PBRM1: variants seen among roughly 807,000 people sequenced by gnomAD.
PBRM1 encodes the protein polybromo 1.
A neutral mutation model predicts 194.5 loss-of-function variants in PBRM1; 27 were observed. The ratio of observed to expected loss-of-function variants is 0.14; its 90% confidence interval spans 0.10 to 0.19. The LOEUF (loss-of-function observed/expected upper bound fraction) is 0.19. PBRM1 is among the 10% of genes least tolerant of loss of function. The pLI is 1.00. For synonymous variants in PBRM1, 655 were observed against 693.2 expected (o/e 0.94, Z 0.87); for missense variants, 1,466 against 2,077.2 (o/e 0.71, Z 5.72).
chr3:52,658,801 A>C (rs2096659798), intron 4 of PBRM1, among the ~76,000 whole-genome samples: 1 of 152,202 alleles, frequency 6.6e-6, no homozygotes, highest in Admixed American at 6.5e-5. Flanking sequence ...ACCTATATGA[A>C]CCTAATGAGG....
At chr3:52,684,796 G>C (rs1219183151) in intron 1 of PBRM1, 2 of 152,170 alleles carry the variant, frequency 1.3e-5, no homozygotes, top group African/African-American at 4.8e-5. Context: ...GCCAAAGAAA[G>C]CGGTCAAGGC....
chr3:52,584,864 GTGTAAATTTAAAAAGGAATT>G (rs2092118846), intron 20 of PBRM1, among the ~76,000 whole-genome samples: 1 of 152,086 alleles, frequency 6.6e-6, no homozygotes, highest in Admixed American at 6.6e-5. Context: ...TTTGTCCAGT[GTGTAAATTTAAAAAGGAATT>G]TGTTTTATAG....
chr3:52,676,040 G>A (rs1229990350), intron 2 of PBRM1, among the ~76,000 whole-genome samples: 6 of 68,836 alleles, frequency 8.7e-5, no homozygotes, highest in Admixed American at 1.9e-4. Flanking sequence ...GCGTGAACCC[G>A]GGAGGCGGAG....
intron 15 of PBRM1, among the ~76,000 whole-genome samples, chr3:52,611,160 C>A (rs536490943): frequency 6.6e-6 from 1 of 151,980 alleles, no homozygotes; most frequent in African/African-American, 2.4e-5. Flanking sequence ...AAAAATCAAG[C>A]CTTTATCCTT....
At chr3:52,640,486 G>A (rs1309796092) in intron 10 of PBRM1, among the ~76,000 whole-genome samples, 1 of 152,046 alleles carries the variant, frequency 6.6e-6, no homozygotes, top group Non-Finnish European at 1.5e-5. Flanking sequence ...GCCCAGGCTG[G>A]TCTTGAACTT....
upstream of PBRM1, among the ~76,000 whole-genome samples, chr3:52,682,520 C>G (rs2097221739): frequency 1.3e-5 from 2 of 152,084 alleles, no homozygotes; most frequent in Non-Finnish European, 2.9e-5. Context: ...ATCCTTGAAT[C>G]ATTAATTTAC....
intron 22 of PBRM1, among the ~76,000 whole-genome samples, chr3:52,565,131 G>A (rs1416864777): frequency 6.6e-6 from 1 of 151,306 alleles, no homozygotes; most frequent in African/African-American, 2.4e-5. Flanking sequence ...CCTGGAAGGC[G>A]GAGGTTGCAG....
At chr3:52,569,171 A>C (rs574747417) in intron 22 of PBRM1, among the ~76,000 whole-genome samples, 2 of 151,608 alleles carry the variant, frequency 1.3e-5, no homozygotes, top group Admixed American at 1.3e-4. Context: ...TGATAACAGG[A>C]GTGAGCCACT....
At chr3:52,575,503 A>G (rs1411213064) in intron 22 of PBRM1, among the ~76,000 whole-genome samples, 1 of 143,316 alleles carries the variant, frequency 7.0e-6, no homozygotes, top group Non-Finnish European at 1.5e-5. Flanking sequence ...CTTTAAATCA[A>G]TTGTCTTTTT....
chr3:52,661,065 G>A (rs13070813), intron 4 of PBRM1, among the ~76,000 whole-genome samples: 2,254 of 151,236 alleles, frequency 0.015, 28 homozygotes, highest in Non-Finnish European at 0.022. Flanking sequence ...TCATTCTGTC[G>A]CCCAGTCTGG....
upstream of PBRM1, among the ~76,000 whole-genome samples, chr3:52,679,929 A>G (rs572870625): frequency 6.6e-6 from 1 of 151,872 alleles, no homozygotes; most frequent in Non-Finnish European, 1.5e-5. Flanking sequence ...CTATACTTCC[A>G]ATTTTGATGG....
At chr3:52,570,238 T>C (rs796250147) in intron 22 of PBRM1, among the ~76,000 whole-genome samples, 15 of 152,292 alleles carry the variant, frequency 9.8e-5, no homozygotes, top group African/African-American at 3.6e-4. Flanking sequence ...TGGCCTCTCA[T>C]AGTGCTGGAA....
At chr3:52,605,948 C>T (rs17052326) in intron 16 of PBRM1, among the ~76,000 whole-genome samples, 4,268 of 151,460 alleles carry the variant, frequency 0.028, 208 homozygotes, top group African/African-American at 0.099. Flanking sequence ...AATGCTAATA[C>T]TTGTAGGAAA....
chr3:52,653,841 C>G (rs1355789451), intron 5 of PBRM1, among the ~76,000 whole-genome samples: 1 of 149,274 alleles, frequency 6.7e-6, no homozygotes, highest in Non-Finnish European at 1.5e-5. Flanking sequence ...ACCTGGGAGG[C>G]AGAGGTTGCA....
intron 14 of PBRM1, among the ~76,000 whole-genome samples, chr3:52,616,431 C>T (rs1027481616): frequency 2.0e-5 from 3 of 152,204 alleles, no homozygotes; most frequent in Non-Finnish European, 2.9e-5. Context: ...CAGTGGCTCA[C>T]GCCTGTAATC....
intron 22 of PBRM1, among the ~76,000 whole-genome samples, chr3:52,572,991 T>C (rs1488443141): frequency 2.6e-5 from 4 of 152,250 alleles, no homozygotes; most frequent in African/African-American, 9.6e-5. Context: ...GATTACTAGA[T>C]GCATTTTCTT....
chr3:52,609,480 G>A lies in PBRM1; in HGVS notation c.2400C>T (p.Tyr800=), dbSNP rs775158019. Residue 800 remains tyrosine, a synonymous_variant, in exon 16 of 30, where the codon TAC becomes TAT. Transcript: ENST00000296302. This position sits in a 1 kb window ranked among gnomAD's most constrained non-coding sequence, Gnocchi z 4.1. ...CAGGAATTTCTGCTAAAGAATCGCTGTAGCATCTTCCCTCATCATCCTGAT... is the reference window on the plus strand; with the variant it reads ...CAGGAATTTCTGCTAAAGAATCGCTATAGCATCTTCCCTCATCATCCTGAT... The A allele has an allele frequency of 2.5e-5, 40 of 1,613,748 alleles. No homozygotes were observed. Among genetic ancestry groups the A allele is most frequent in the South Asian group, 4.4e-5 (4 of 91,084 alleles).
At chr3:52,604,876 C>T (rs1400376311) in intron 16 of PBRM1, among the ~76,000 whole-genome samples, 8 of 151,916 alleles carry the variant, frequency 5.3e-5, no homozygotes, top group Non-Finnish European at 1.2e-4. Context: ...ATCACTTGAA[C>T]CCGGGAGGTG....
intron 24 of PBRM1, among the ~76,000 whole-genome samples, chr3:52,562,875 C>T (rs1350471580): frequency 2.0e-5 from 3 of 151,892 alleles, no homozygotes; most frequent in Non-Finnish European, 4.4e-5. Flanking sequence ...GAAAAAAATA[C>T]CAACAATCAC....
Sources: gnomAD v4.1 joint callset for allele counts (sites outside exome capture counted in the v4.1 genomes callset) on GRCh38, gnomAD v4.1.1 for gene constraint, Gnocchi (gnomAD v3.1) non-coding constraint, MANE v1.5 for transcripts, NCBI Gene and HGNC (gene_info 2026-07-23, HGNC 2026-07-21) for gene names.